The following FTCDNL1 variants were observed in gnomAD, a reference collection of about 807,000 sequenced individuals.
FTCDNL1 encodes the protein formiminotransferase N-terminal subdomain-containing protein.
In FTCDNL1, 11 loss-of-function variants were observed where a neutral mutation model predicts 5.9. The observed-to-expected ratio is 1.87, with a 90% CI of 1.18 to 3.10. The LOEUF is 3.10. Ranked by LOEUF, FTCDNL1 falls within the 30% of genes most tolerant of loss-of-function variation. FTCDNL1 has a pLI of 0.00. For synonymous variants in FTCDNL1, 58 were observed against 24.8 expected, an observed-to-expected ratio of 2.34 and a Z score of -3.99; for missense variants, 115 against 65.5, an observed-to-expected ratio of 1.76 and a Z score of -2.61.
At chr2:199,664,307 T>C in the FTCDNL1 span, among the ~76,000 whole-genome samples, 1 of 152,192 alleles carries the variant, frequency 6.6e-6, no homozygotes, top group Non-Finnish European at 1.5e-5. Context: ...TTAATCCATA[T>C]GTTCTTCTCT....
the FTCDNL1 span, among the ~76,000 whole-genome samples, chr2:199,717,147 A>G: frequency 2.6e-5 from 4 of 152,202 alleles, no homozygotes; most frequent in Admixed American, 1.3e-4. Context: ...TGTCCTTAAT[A>G]CAATCTCATT....
intron 3 of FTCDNL1, among the ~76,000 whole-genome samples, chr2:199,838,009 T>C (rs1702874671): frequency 6.6e-6 from 1 of 152,214 alleles, no homozygotes; most frequent in Non-Finnish European, 1.5e-5. Context: ...AGAATTTGCC[T>C]AAGAATCTTC....
Position 199,840,577 on chromosome 2 carries a change from A to G in FTCDNL1, c.211+5498T>C, listed in dbSNP as rs75986933. ...AATAGATAATGCCTAAAACTGAAAG[A>G]CCAAGACGTACCAGTGTTTAAGTGT... On this transcript the variant is annotated intron_variant, in intron 3 of 4. Coordinates refer to ENST00000420128, the MANE Select transcript of FTCDNL1 (RefSeq NM_001363886.2). Among the ~76,000 whole-genome samples the G allele has an allele frequency of 4.4e-3, 677 of 152,276 alleles. 4 individuals carry two copies. Among genetic ancestry groups the G allele is most frequent in the African/African-American group, 0.015 (640 of 41,540 alleles).
the FTCDNL1 span, among the ~76,000 whole-genome samples, chr2:199,679,178 G>C: frequency 6.6e-6 from 1 of 151,914 alleles, no homozygotes; most frequent in African/African-American, 2.4e-5. Context: ...ATTTAATATT[G>C]AATATTTTTA....
At chr2:199,698,674 A>G in the FTCDNL1 span, among the ~76,000 whole-genome samples, 2 of 152,206 alleles carry the variant, frequency 1.3e-5, no homozygotes, top group Non-Finnish European at 2.9e-5. Context: ...TCAAAAAGTT[A>G]GAAAGATCTT....
chr2:199,739,127 T>A, the FTCDNL1 span, among the ~76,000 whole-genome samples: 3 of 152,224 alleles, frequency 2.0e-5, no homozygotes, highest in Non-Finnish European at 4.4e-5. Flanking sequence ...AGTGTATGTC[T>A]CTCATTGAAA....
chr2:199,791,391 C>T (rs1699918064), intron 3 of FTCDNL1, among the ~76,000 whole-genome samples: 1 of 151,954 alleles, frequency 6.6e-6, no homozygotes, highest in Admixed American at 6.6e-5. Flanking sequence ...AAGTTATAAA[C>T]CTGTATGTGT....
chr2:199,845,513 G>C (rs1048243510), intron 3 of FTCDNL1, among the ~76,000 whole-genome samples: 2 of 152,108 alleles, frequency 1.3e-5, no homozygotes, highest in Non-Finnish European at 2.9e-5. Flanking sequence ...AGAGGTTGCA[G>C]TGAGTCGAGA....
chr2:199,691,866 A>G, the FTCDNL1 span, among the ~76,000 whole-genome samples: 1 of 152,214 alleles, frequency 6.6e-6, no homozygotes, highest in South Asian at 2.1e-4. Flanking sequence ...ATTATTAACC[A>G]ATCAGCAGCA....
the FTCDNL1 span, among the ~76,000 whole-genome samples, chr2:199,699,185 C>T: frequency 5.9e-4 from 90 of 152,106 alleles, no homozygotes; most frequent in African/African-American, 2.0e-3. Context: ...AGAAGAGCTG[C>T]GCCAGGTGTG....
chr2:199,810,348 C>T lies in FTCDNL1; in HGVS notation c.*2357G>A, dbSNP rs1309627598. Among the ~76,000 whole-genome samples, 1 of 152,182 alleles carries T rather than the reference C, an allele frequency of 6.6e-6. No homozygotes were observed. Among genetic ancestry groups the T allele is most frequent in the Non-Finnish European group, 1.5e-5 (1 of 68,036 alleles). On this transcript the variant is annotated 3_prime_UTR_variant, in exon 5 of 5. Transcript: ENST00000420128. Reference sequence around the variant, plus strand: ...AAAGAGGTCACTAAAAACTAACAAACAGCCTTGGAACTGGGAAAAGCAAAG... The same window carrying T: ...AAAGAGGTCACTAAAAACTAACAAATAGCCTTGGAACTGGGAAAAGCAAAG...
downstream of FTCDNL1, among the ~76,000 whole-genome samples, chr2:199,759,089 GTGTA>G (rs1457182323): frequency 1.3e-5 from 2 of 151,884 alleles, no homozygotes; most frequent in Non-Finnish European, 1.5e-5. Context: ...ATGTAAATCT[GTGTA>G]TGTGTGTGTA....
rs1440593750 is a variant in FTCDNL1 at position 199,809,896 on chromosome 2, C to T, written c.*2809G>A. 2.2e-5 allele frequency among the ~76,000 whole-genome samples: 1 copy of T among 44,866 alleles called. No homozygotes were observed. The highest frequency in any genetic ancestry group is 4.2e-5 in the Non-Finnish European group (1 of 23,716). The allele number at this position is 44,866 out of a possible 152,430, so 29.4% of individuals were successfully genotyped here. On this transcript the variant is annotated 3_prime_UTR_variant, in exon 5 of 5. Coordinates refer to ENST00000420128, the MANE Select transcript of FTCDNL1 (RefSeq NM_001363886.2). ...CTCTCATTTTTTAGTCACTTAGTAC[C>T]TGATTTTTTTTTTTTTTGGTAACCC...
At chr2:199,724,097 C>T in the FTCDNL1 span, among the ~76,000 whole-genome samples, 1 of 152,142 alleles carries the variant, frequency 6.6e-6, no homozygotes. Context: ...TCAACTTCTT[C>T]CTGGTTCAGT....
chr2:199,844,315 G>A (rs2076672124), intron 3 of FTCDNL1: 1 of 452,362 alleles, frequency 2.2e-6, no homozygotes, highest in South Asian at 4.5e-5. Context: ...ATTCTCACAA[G>A]CTATTTCAGT....
intron 3 of FTCDNL1, among the ~76,000 whole-genome samples, chr2:199,773,743 T>C (rs905826970): frequency 3.3e-5 from 5 of 152,232 alleles, no homozygotes; most frequent in African/African-American, 1.2e-4. Flanking sequence ...ACCATCTCCA[T>C]GGCTCTGTGT....
At chr2:199,775,308 G>A (rs1050254013) in intron 3 of FTCDNL1, among the ~76,000 whole-genome samples, 3 of 152,208 alleles carry the variant, frequency 2.0e-5, no homozygotes, top group Non-Finnish European at 4.4e-5. Flanking sequence ...TGAAAACAAT[G>A]TTGTTGTAGC....
At chr2:199,793,366 AG>A (rs1178478325) in intron 3 of FTCDNL1, among the ~76,000 whole-genome samples, 3 of 152,220 alleles carry the variant, frequency 2.0e-5, no homozygotes, top group Non-Finnish European at 2.9e-5. Flanking sequence ...TAGACGGAGG[AG>A]GGGGGGCATT....
At chr2:199,707,180 G>A in the FTCDNL1 span, among the ~76,000 whole-genome samples, 1 of 152,288 alleles carries the variant, frequency 6.6e-6, no homozygotes, top group African/African-American at 2.4e-5. Flanking sequence ...CAAAACACTT[G>A]GCCATGGGGC....
Sources: gnomAD v4.1 joint callset for allele counts (sites outside exome capture counted in the v4.1 genomes callset) on GRCh38, gnomAD v4.1.1 for gene constraint, MANE v1.5 for transcripts, NCBI Gene and HGNC (gene_info 2026-07-23, HGNC 2026-07-21) for gene names.